The following SAMSN1 variants were observed in gnomAD, a reference collection of about 807,000 sequenced individuals.
The protein encoded by SAMSN1 is SAM domain, SH3 domain and nuclear localization signals 1.
Under a neutral mutation model 42.0 loss-of-function variants are expected in SAMSN1, and 31 were observed. The ratio of observed to expected loss-of-function variants is 0.74; its 90% CI spans 0.55 to 1.00. SAMSN1 has a LOEUF of 1.00. SAMSN1 is among the 50% of genes least tolerant of loss of function. The pLI, the probability that SAMSN1 is intolerant of heterozygous loss-of-function variation, is 0.00. For synonymous variants in SAMSN1, 178 were observed against 151.9 expected, an observed-to-expected ratio of 1.17 and a Z score of -1.26; for missense variants, 464 against 439.4, an observed-to-expected ratio of 1.06 and a Z score of -0.50.
At chr21:14,581,179 T>A (rs1442211307) in intron 2 of SAMSN1, among the ~76,000 whole-genome samples, 1 of 151,814 alleles carries the variant, frequency 6.6e-6, no homozygotes, top group Admixed American at 6.6e-5. Context: ...CCCTCGTATA[T>A]GGAAAACACT....
chr21:14,535,817 C>G (rs1242819782), intron 1 of SAMSN1, among the ~76,000 whole-genome samples: 1 of 152,188 alleles, frequency 6.6e-6, no homozygotes, highest in Non-Finnish European at 1.5e-5. Context: ...GAAACCCACC[C>G]TGCCAGCACC....
chr21:14,563,083 T>A (rs187258199), intron 2 of SAMSN1, among the ~76,000 whole-genome samples: 198 of 152,328 alleles, frequency 1.3e-3, no homozygotes, highest in Non-Finnish European at 2.3e-3. Context: ...ACAAGTCATA[T>A]ATCTTTACTG....
intron 2 of SAMSN1, among the ~76,000 whole-genome samples, chr21:14,627,973 C>T (rs1338518898): frequency 1.3e-5 from 2 of 152,090 alleles, no homozygotes; most frequent in African/African-American, 4.8e-5. Context: ...TGTTGAATAT[C>T]CTCACCCAAA....
At chr21:14,612,963 A>G in intron 3 of SAMSN1, 1 of 662,952 alleles carries the variant, frequency 1.5e-6, no homozygotes, top group Non-Finnish European at 2.8e-6. Flanking sequence ...AATAAATAAC[A>G]TTTTAATCAA....
chr21:14,582,505 T>A, intron 1 of SAMSN1: 1 of 900,970 alleles, frequency 1.1e-6, no homozygotes, highest in Non-Finnish European at 1.7e-6. Flanking sequence ...GACAAAGAAA[T>A]AGGTTAAAAA....
At chr21:14,536,071 C>T (rs1979593058) in intron 1 of SAMSN1, among the ~76,000 whole-genome samples, 1 of 152,138 alleles carries the variant, frequency 6.6e-6, no homozygotes, top group South Asian at 2.1e-4. Flanking sequence ...TAATGGAGGA[C>T]ATTTTTGTTT....
chr21:14,489,572 G>A (rs936007419), intron 7 of SAMSN1, among the ~76,000 whole-genome samples: 5 of 152,010 alleles, frequency 3.3e-5, no homozygotes, highest in African/African-American at 7.2e-5. Flanking sequence ...ATACACTGAA[G>A]AATTATTAAA....
At chr21:14,542,784 A>C (rs955609619) in intron 1 of SAMSN1, among the ~76,000 whole-genome samples, 1 of 152,124 alleles carries the variant, frequency 6.6e-6, no homozygotes. Context: ...ATCTCTATAA[A>C]AAATTAAAAA....
chr21:14,547,989 A>G (rs565117742), upstream of SAMSN1, among the ~76,000 whole-genome samples: 58 of 152,266 alleles, frequency 3.8e-4, no homozygotes, highest in African/African-American at 1.4e-3. Flanking sequence ...AAACCTGAGA[A>G]TGTTGAGGTG....
At chr21:14,564,806 A>AT (rs1454184092) in intron 2 of SAMSN1, among the ~76,000 whole-genome samples, 1 of 152,076 alleles carries the variant, frequency 6.6e-6, no homozygotes, top group Non-Finnish European at 1.5e-5. Flanking sequence ...CCAAGGGAGT[A>AT]TTTTTAGGAG....
At chr21:14,557,244 C>T (rs1257135119) in intron 2 of SAMSN1, among the ~76,000 whole-genome samples, 1 of 152,132 alleles carries the variant, frequency 6.6e-6, no homozygotes, top group African/African-American at 2.4e-5. Context: ...GAGCCTGACA[C>T]CTGTCCTCTC....
intron 1 of SAMSN1, among the ~76,000 whole-genome samples, chr21:14,652,646 T>A (rs1191204687): frequency 6.6e-6 from 1 of 151,920 alleles, no homozygotes; most frequent in Non-Finnish European, 1.5e-5. Context: ...TCTTGAGCAA[T>A]TCCCCACAAC....
At chr21:14,586,280 A>G (rs1444802131), upstream of SAMSN1, among the ~76,000 whole-genome samples, 11 of 134,168 alleles carry the variant, frequency 8.2e-5, 1 homozygote, top group South Asian at 1.6e-3. Flanking sequence ...AAAAAAAAAG[A>G]AAAAGAAAAA....
chr21:14,630,044 CAA>C (rs1983290009), intron 2 of SAMSN1, among the ~76,000 whole-genome samples: 1 of 152,220 alleles, frequency 6.6e-6, no homozygotes, highest in Non-Finnish European at 1.5e-5. Flanking sequence ...ACAAATGAAA[CAA>C]GAGCAAGCCA....
intron 2 of SAMSN1, among the ~76,000 whole-genome samples, chr21:14,559,359 G>T (rs1980867080): frequency 6.6e-6 from 1 of 152,108 alleles, no homozygotes; most frequent in Non-Finnish European, 1.5e-5. Context: ...CAGCAATGGG[G>T]AAACTACAGA....
chr21:14,629,854 A>G (rs1983282756), intron 2 of SAMSN1, among the ~76,000 whole-genome samples: 1 of 152,220 alleles, frequency 6.6e-6, no homozygotes, highest in Admixed American at 6.5e-5. Context: ...GCATTATAAA[A>G]GATTCCTCCT....
At chr21:14,550,525 A>T (rs1019473350), upstream of SAMSN1, among the ~76,000 whole-genome samples, 4 of 152,116 alleles carry the variant, frequency 2.6e-5, no homozygotes, top group African/African-American at 7.2e-5. Flanking sequence ...GAAATCAAGC[A>T]TATCTATCAC....
intron 2 of SAMSN1, among the ~76,000 whole-genome samples, chr21:14,568,200 A>G (rs1981181542): frequency 1.3e-5 from 2 of 152,192 alleles, no homozygotes; most frequent in African/African-American, 4.8e-5. Context: ...CATTACATGA[A>G]GTGATTCTTT....
At chr21:14,656,357 T>C (rs966394048) in intron 1 of SAMSN1, among the ~76,000 whole-genome samples, 22 of 151,680 alleles carry the variant, frequency 1.5e-4, no homozygotes, top group Admixed American at 1.4e-3. Context: ...ATGAAAGGGA[T>C]AGAAATGAAC....
Sources: allele counts gnomAD v4.1 joint callset (sites outside exome capture counted in the v4.1 genomes callset), GRCh38; gene constraint gnomAD v4.1.1; transcripts MANE v1.5; gene names NCBI Gene and HGNC (gene_info 2026-07-23, HGNC 2026-07-21).